Variants in FANK1 observed in about 807,000 individuals in gnomAD.
FANK1 encodes the protein fibronectin type III and ankyrin repeat domains 1, also known as fibronectin type 3 and ankyrin repeat domains protein 1.
In FANK1, 44 loss-of-function variants were observed where a neutral mutation model predicts 45.3. The observed-to-expected ratio is 0.97, with a 90% CI of 0.76 to 1.25. FANK1 has a LOEUF of 1.25. FANK1 is among the 50% of genes most tolerant of loss of function. The probability of loss-of-function intolerance (pLI) is 0.00; values close to 1 mark genes in which losing one functional copy is unlikely to be tolerated. For synonymous variants in FANK1, 149 were observed against 152.5 expected (o/e 0.98, Z 0.17); for missense variants, 391 against 424.4 (o/e 0.92, Z 0.69).
chr10:125,918,656 C>G (rs1162190826), intron 1 of FANK1, among the ~76,000 whole-genome samples: 3 of 136,442 alleles, frequency 2.2e-5, no homozygotes, highest in Non-Finnish European at 3.1e-5. Flanking sequence ...GCACCATTTA[C>G]CATTTGATCA....
intron 1 of FANK1, among the ~76,000 whole-genome samples, chr10:125,946,099 C>A (rs1589978629): frequency 6.6e-6 from 1 of 152,256 alleles, no homozygotes; most frequent in Non-Finnish European, 1.5e-5. Context: ...ACATCGAAAA[C>A]CCATCTGTAC....
intron 1 of FANK1, among the ~76,000 whole-genome samples, chr10:125,920,144 G>A (rs1230275007): frequency 6.6e-6 from 1 of 152,126 alleles, no homozygotes; most frequent in Non-Finnish European, 1.5e-5. Context: ...TTGTCTCCTT[G>A]CTGAGAACTG....
At chr10:125,913,297 T>TGC (rs1946179426) in intron 1 of FANK1, among the ~76,000 whole-genome samples, 1 of 151,982 alleles carries the variant, frequency 6.6e-6, no homozygotes. Context: ...CCCAAACTCA[T>TGC]TCTGCATGAC....
chr10:125,984,601 G>A (rs971334070), intron 2 of FANK1, among the ~76,000 whole-genome samples: 3 of 152,150 alleles, frequency 2.0e-5, no homozygotes, highest in Non-Finnish European at 4.4e-5. Context: ...GGATGTCAAG[G>A]GCCAGGGAAA....
intron 7 of FANK1, among the ~76,000 whole-genome samples, chr10:126,005,970 T>A (rs1441006853): frequency 6.6e-6 from 1 of 152,234 alleles, no homozygotes; most frequent in Non-Finnish European, 1.5e-5. Flanking sequence ...TGGACGTCTA[T>A]AGATATTTGA....
At chr10:125,988,520 G>A (rs1951714304) in intron 2 of FANK1, 31 bp from the exon 3 acceptor site, 3 of 1,609,766 alleles carry the variant, frequency 1.9e-6, no homozygotes, top group Non-Finnish European at 2.5e-6. Flanking sequence ...GCTACCTGGT[G>A]TTATCAGCAT....
chr10:125,963,555 A>G (rs371334128), intron 1 of FANK1, among the ~76,000 whole-genome samples: 58 of 152,378 alleles, frequency 3.8e-4, no homozygotes, highest in African/African-American at 1.3e-3. Flanking sequence ...ATGGAATACT[A>G]TGCAGCCATA....
Position 126,009,121 on chromosome 10 carries a change from TA to T in FANK1, c.923del (p.Asn308MetfsTer8). ...CTTGACAAAGGGGCAGATGCAAGTGTAAAAAATGAGGTAAATGAGTCCATCT... is the reference window on the plus strand; with the variant it reads ...CTTGACAAAGGGGCAGATGCAAGTGTAAAAATGAGGTAAATGAGTCCATCT... ...LLLDKGADASVKNEFGKGVLE... is the reference protein window; with the variant it reads ...LLLDKGADASXKNEFGKGVLE... On this transcript the variant is annotated frameshift_variant, in exon 9 of 11. Coordinates refer to ENST00000368693, the MANE Select transcript of FANK1 (RefSeq NM_145235.5). LOFTEE classifies it high-confidence loss of function. 1 of 1,614,176 alleles carries T rather than the reference TA, an allele frequency of 6.2e-7. No individual in the cohort carries two copies. The highest frequency in any genetic ancestry group is 8.5e-7 in the Non-Finnish European group (1 of 1,180,026).
At chr10:125,965,318 A>G (rs913978846) in intron 1 of FANK1, among the ~76,000 whole-genome samples, 1 of 152,254 alleles carries the variant, frequency 6.6e-6, no homozygotes, top group Non-Finnish European at 1.5e-5. Flanking sequence ...AAGAGTGAAT[A>G]TAAGCTGATC....
At chr10:125,942,587 T>G (rs1948520593) in intron 1 of FANK1, among the ~76,000 whole-genome samples, 2 of 152,072 alleles carry the variant, frequency 1.3e-5, no homozygotes, top group Admixed American at 1.3e-4. Context: ...TAACATTAAC[T>G]AAAAACAAGA....
chr10:125,952,122 C>G (rs1481604598), intron 1 of FANK1, among the ~76,000 whole-genome samples: 1 of 152,052 alleles, frequency 6.6e-6, no homozygotes, highest in South Asian at 2.1e-4. Flanking sequence ...GTTGTACTTA[C>G]TATTTGTTGT....
chr10:125,964,651 A>G (rs1950113412), intron 1 of FANK1, among the ~76,000 whole-genome samples: 1 of 152,224 alleles, frequency 6.6e-6, no homozygotes, highest in Admixed American at 6.5e-5. Context: ...TAATTTGTCC[A>G]GTCTTCTCAT....
At chr10:126,007,641 C>T (rs1996253) in intron 7 of FANK1, among the ~76,000 whole-genome samples, 88,183 of 151,800 alleles carry the variant, frequency 0.58, 27,128 homozygotes, top group Non-Finnish European at 0.68. Context: ...TGTGTGTGTG[C>T]GTGCACGTGC....
chr10:125,995,655 G>A, intron 4 of FANK1, 157 bp downstream of exon 4: 1 of 636,572 alleles, frequency 1.6e-6, no homozygotes, highest in Non-Finnish European at 2.8e-6. Context: ...ATAAACCACA[G>A]TTAATAAAGA....
chr10:126,007,446 G>A (rs140904322), intron 7 of FANK1, among the ~76,000 whole-genome samples: 100 of 152,324 alleles, frequency 6.6e-4, no homozygotes, highest in Admixed American at 1.3e-3. Flanking sequence ...GGAGTGTGTT[G>A]CCCACAGGTT....
At chr10:125,972,531 C>T (rs1020355494) in intron 1 of FANK1, among the ~76,000 whole-genome samples, 9 of 152,128 alleles carry the variant, frequency 5.9e-5, no homozygotes, top group Admixed American at 6.6e-5. Context: ...CAAATTGGGT[C>T]CCATCCACTA....
chr10:125,939,478 A>G (rs910969588), intron 1 of FANK1, among the ~76,000 whole-genome samples: 3 of 152,244 alleles, frequency 2.0e-5, no homozygotes, highest in African/African-American at 4.8e-5. Flanking sequence ...AAGTGTACAC[A>G]TATCAGAATA....
chr10:125,971,175 C>T (rs1232020662), intron 1 of FANK1, among the ~76,000 whole-genome samples: 2 of 152,054 alleles, frequency 1.3e-5, no homozygotes, highest in Non-Finnish European at 2.9e-5. Flanking sequence ...ATTGTTTCAC[C>T]CACATTCTAT....
intron 1 of FANK1, among the ~76,000 whole-genome samples, chr10:125,955,416 C>A (rs1949516250): frequency 6.6e-6 from 1 of 152,128 alleles, no homozygotes; most frequent in Non-Finnish European, 1.5e-5. Flanking sequence ...ATCTATGTCC[C>A]TGCAAAGGAT....
Sources: gnomAD v4.1 joint callset for allele counts (sites outside exome capture counted in the v4.1 genomes callset) on GRCh38, gnomAD v4.1.1 for gene constraint, MANE v1.5 for transcripts, NCBI Gene and HGNC (gene_info 2026-07-23, HGNC 2026-07-21) for gene names.